ERBB4: variants seen among roughly 807,000 people sequenced by gnomAD.
ERBB4 encodes receptor tyrosine-protein kinase erbB-4.
A neutral mutation model predicts 158.0 loss-of-function variants in ERBB4; 42 were observed. The observed-to-expected ratio is 0.27, with a 90% CI of 0.21 to 0.34. The LOEUF (loss-of-function observed/expected upper bound fraction) is 0.34, where lower values mean the gene tolerates loss of function less well. Ranked by LOEUF, ERBB4 falls within the 10% of genes least tolerant of loss-of-function variation. The pLI, the probability that ERBB4 is intolerant of heterozygous loss-of-function variation, is 1.00. For missense variants in ERBB4, 1,333 were observed against 1,624.1 expected, an observed-to-expected ratio of 0.82 and a Z score of 3.08; for synonymous variants, 583 against 558.7, an observed-to-expected ratio of 1.04 and a Z score of -0.61.
intron 1 of ERBB4, among the ~76,000 whole-genome samples, chr2:212,442,728 C>T (rs531746914): frequency 6.6e-6 from 1 of 152,254 alleles, no homozygotes; most frequent in South Asian, 2.1e-4. Flanking sequence ...ACACTGACTC[C>T]CTGACTGGTA....
intron 1 of ERBB4, among the ~76,000 whole-genome samples, chr2:212,224,853 T>C (rs1218650762): frequency 9.2e-5 from 14 of 152,112 alleles, no homozygotes; most frequent in Admixed American, 9.2e-4. Flanking sequence ...TGAAATATTT[T>C]GAATTTGCAT....
At chr2:211,679,269 G>C (rs1490205866) in intron 12 of ERBB4, 85 bp from the exon 13 acceptor site, 3 of 1,485,756 alleles carry the variant, frequency 2.0e-6, no homozygotes, top group Admixed American at 1.8e-5. Flanking sequence ...ATTTCTAAAG[G>C]AGTTCACTTA....
intron 2 of ERBB4, among the ~76,000 whole-genome samples, chr2:212,095,061 C>G (rs1374599813): frequency 1.3e-5 from 2 of 151,926 alleles, no homozygotes; most frequent in Non-Finnish European, 2.9e-5. Flanking sequence ...GGAAGAGGGA[C>G]TACCTTTGTC....
chr2:212,133,270 C>G (rs2080162195), intron 1 of ERBB4, among the ~76,000 whole-genome samples: 1 of 151,978 alleles, frequency 6.6e-6, no homozygotes, highest in South Asian at 2.1e-4. Context: ...TTCTTATAGC[C>G]TATAAGAACT....
chr2:212,115,930 C>T (rs2079558481), intron 2 of ERBB4, among the ~76,000 whole-genome samples: 1 of 152,070 alleles, frequency 6.6e-6, no homozygotes, highest in Non-Finnish European at 1.5e-5. Context: ...GCTCACCATC[C>T]TAATAAATTA....
At chr2:212,119,874 A>G (rs2079692069) in intron 2 of ERBB4, among the ~76,000 whole-genome samples, 1 of 152,208 alleles carries the variant, frequency 6.6e-6, no homozygotes, top group Admixed American at 6.5e-5. Flanking sequence ...AAGTATCTAC[A>G]AAACATTAAA....
intron 2 of ERBB4, among the ~76,000 whole-genome samples, chr2:211,980,991 C>G (rs6749807): frequency 6.6e-6 from 1 of 150,894 alleles, no homozygotes; most frequent in Non-Finnish European, 1.5e-5. Flanking sequence ...CGCTCCCCAC[C>G]ATCTGTATTA....
chr2:212,304,607 T>A (rs2086740900), intron 1 of ERBB4, among the ~76,000 whole-genome samples: 1 of 151,502 alleles, frequency 6.6e-6, no homozygotes, highest in Non-Finnish European at 1.5e-5. Flanking sequence ...CAATGAGCAT[T>A]TGATTTCTCA....
intron 1 of ERBB4, among the ~76,000 whole-genome samples, chr2:212,168,890 A>G (rs1199540089): frequency 6.6e-6 from 1 of 152,180 alleles, no homozygotes; most frequent in African/African-American, 2.4e-5. Flanking sequence ...ATGTCAGACT[A>G]AAGGTTTTGT....
intron 2 of ERBB4, among the ~76,000 whole-genome samples, chr2:211,978,396 G>GTCTGCCTATCTA (rs77259627): frequency 7.3e-6 from 1 of 136,560 alleles, no homozygotes; most frequent in Non-Finnish European, 1.6e-5. Context: ...CTGTCTGTCT[G>GTCTGCCTATCTA]TCTATCTATC....
chr2:211,999,383 T>C (rs1476874348), intron 2 of ERBB4, among the ~76,000 whole-genome samples: 1 of 151,860 alleles, frequency 6.6e-6, no homozygotes, highest in Non-Finnish European at 1.5e-5. Context: ...AACACAGTAG[T>C]GTGAATTCCC....
intron 3 of ERBB4, among the ~76,000 whole-genome samples, chr2:211,892,573 G>A (rs1466523807): frequency 1.4e-5 from 2 of 143,906 alleles, no homozygotes; most frequent in African/African-American, 5.5e-5. Context: ...TTAGGCAGGA[G>A]AAGGAAATAA....
chr2:212,518,244 A>C (rs920228844), intron 1 of ERBB4, among the ~76,000 whole-genome samples: 1 of 152,076 alleles, frequency 6.6e-6, no homozygotes, highest in Admixed American at 6.6e-5. Flanking sequence ...CAAGGGACAT[A>C]GTTTGTACAT....
chr2:212,357,366 A>G (rs999977245), intron 1 of ERBB4, among the ~76,000 whole-genome samples: 1 of 151,906 alleles, frequency 6.6e-6, no homozygotes, highest in Non-Finnish European at 1.5e-5. Flanking sequence ...CCATCTGTCC[A>G]TCTGTGAAGC....
chr2:212,048,748 G>C (rs1252726371), intron 2 of ERBB4, among the ~76,000 whole-genome samples: 1 of 152,182 alleles, frequency 6.6e-6, no homozygotes, highest in Non-Finnish European at 1.5e-5. Flanking sequence ...TCAGGGTGGT[G>C]ACAGAGCTCC....
In ERBB4 at chr2:212,184,253, T is replaced by G. The variant is rs60488926; in HGVS notation, c.83-59350A>C. ...ATCCTTCCCTGAAATGACCTGGACC[T>G]CTTTTCCCCACCAAATCTTAACCTA... On this transcript the variant is annotated intron_variant, in intron 1 of 27. Coordinates refer to ENST00000342788, the MANE Select transcript of ERBB4 (RefSeq NM_005235.3). Among the ~76,000 whole-genome samples, 772 of 152,216 alleles carry G rather than the reference T, an allele frequency of 5.1e-3. 7 individuals are homozygous for G. The highest frequency in any genetic ancestry group is 0.018 in the African/African-American group (735 of 41,548).
At chr2:211,547,257 T>G (rs1490127741) in intron 20 of ERBB4, among the ~76,000 whole-genome samples, 2 of 152,108 alleles carry the variant, frequency 1.3e-5, no homozygotes, top group African/African-American at 2.4e-5. Flanking sequence ...AAAAGCTGTA[T>G]TTTTAAAGAG....
intron 16 of ERBB4, among the ~76,000 whole-genome samples, chr2:211,633,847 G>A (rs1285251937): frequency 1.3e-5 from 2 of 151,894 alleles, no homozygotes; most frequent in East Asian, 3.9e-4. Flanking sequence ...TCTAACAAAG[G>A]TCAAATATCC....
At chr2:211,819,913 TATA>T (rs1191720071) in intron 3 of ERBB4, among the ~76,000 whole-genome samples, 2 of 151,900 alleles carry the variant, frequency 1.3e-5, no homozygotes, top group Non-Finnish European at 2.9e-5. Context: ...AAGGACATTG[TATA>T]ATAAGTTCCA....
Sources: allele counts gnomAD v4.1 joint callset (sites outside exome capture counted in the v4.1 genomes callset), GRCh38; gene constraint gnomAD v4.1.1; transcripts MANE v1.5; gene names NCBI Gene and HGNC (gene_info 2026-07-23, HGNC 2026-07-21).